C2orf74: variants seen among roughly 807,000 people sequenced by gnomAD.
The protein encoded by C2orf74 is uncharacterized protein C2orf74.
C2orf74 carries 14 observed loss-of-function variants against 17.9 expected under a neutral mutation model. The ratio of observed to expected loss-of-function variants is 0.78; its 90% CI spans 0.52 to 1.22. The LOEUF (loss-of-function observed/expected upper bound fraction) is 1.22. Among genes scored for constraint, C2orf74 ranks in the 50% most tolerant of loss-of-function variants. C2orf74 has a pLI of 0.00. For synonymous variants in C2orf74, 79 were observed against 72.6 expected (o/e 1.09, Z -0.44); for missense variants, 217 against 218.4 (o/e 0.99, Z 0.04).
intron 1 of C2orf74, among the ~76,000 whole-genome samples, chr2:61,153,326 T>G (rs566683196): frequency 4.0e-5 from 6 of 151,884 alleles, no homozygotes; most frequent in Admixed American, 3.9e-4. Flanking sequence ...AGTCACCCAG[T>G]CTGGAGTGCA....
At chr2:61,157,855 G>T (rs1253796999), upstream of C2orf74, 1 of 470,088 alleles carries the variant, frequency 2.1e-6, no homozygotes, top group South Asian at 1.6e-5. Flanking sequence ...TCATGTTTTT[G>T]TCACAGGATT....
chr2:61,162,500 C>G lies in C2orf74; in HGVS notation c.-15C>G. On this transcript the variant is annotated 5_prime_UTR_variant, in exon 2 of 5. Coordinates refer to ENST00000432605, the MANE Select transcript of C2orf74 (RefSeq NM_001143959.4). ...TCTGTGATTGTGAGAGTGGATGAGT[C>G]TTCTAGCTAAACCTATGAGCTTTGA... 1.9e-6 allele frequency: 3 copies of G among 1,546,450 alleles called. No homozygotes were observed. The highest frequency in any genetic ancestry group is 2.6e-6 in the Non-Finnish European group (3 of 1,143,096).
chr2:61,153,327 C>G (rs1055119524), intron 1 of C2orf74, among the ~76,000 whole-genome samples: 1 of 151,810 alleles, frequency 6.6e-6, no homozygotes, highest in East Asian at 2.0e-4. Flanking sequence ...GTCACCCAGT[C>G]TGGAGTGCAG....
At chr2:61,149,310 T>C (rs1488021170) in intron 1 of C2orf74, among the ~76,000 whole-genome samples, 1 of 152,140 alleles carries the variant, frequency 6.6e-6, no homozygotes, top group African/African-American at 2.4e-5. Context: ...GGGCCATAGA[T>C]GTGTCCTGCT....
upstream of C2orf74, chr2:61,158,070 C>T: frequency 2.2e-6 from 1 of 460,284 alleles, no homozygotes; most frequent in Non-Finnish European, 4.5e-6. Flanking sequence ...CTGACCCCAA[C>T]ATGGCAGATG....
intron 1 of C2orf74, chr2:61,151,455 C>T (rs1257665835): frequency 6.6e-6 from 1 of 150,656 alleles, no homozygotes; most frequent in African/African-American, 2.4e-5. Context: ...TTTATTAACT[C>T]TTAGCTTCTG....
chr2:61,151,585 G>A (rs192199992), intron 1 of C2orf74: 199 of 151,904 alleles, frequency 1.3e-3, no homozygotes, highest in African/African-American at 4.5e-3. Flanking sequence ...CATGGTTATT[G>A]GCAAGAAGCC....
chr2:61,158,880 T>C (rs1380270856), upstream of C2orf74, among the ~76,000 whole-genome samples: 1 of 152,230 alleles, frequency 6.6e-6, no homozygotes, highest in Non-Finnish European at 1.5e-5. Context: ...CAGCAAACTA[T>C]ACATATTAGT....
At chr2:61,158,776 G>T (rs993383485), upstream of C2orf74, among the ~76,000 whole-genome samples, 2 of 152,136 alleles carry the variant, frequency 1.3e-5, no homozygotes, top group Non-Finnish European at 1.5e-5. Context: ...ATGGGTTTCA[G>T]TTCCTTGCCT....
chr2:61,154,382 C>T (rs192875178), intron 1 of C2orf74, among the ~76,000 whole-genome samples: 4 of 152,030 alleles, frequency 2.6e-5, no homozygotes, highest in African/African-American at 9.7e-5. Context: ...CAAGAGGAGC[C>T]TAAGGAGACA....
upstream of C2orf74, among the ~76,000 whole-genome samples, chr2:61,159,109 G>C (rs186082589): frequency 2.6e-5 from 4 of 152,146 alleles, no homozygotes; most frequent in African/African-American, 9.6e-5. Flanking sequence ...CAGTTCTCCT[G>C]CCTCAGCCTC....
At chr2:61,148,947 G>A (rs2105013286) in intron 1 of C2orf74, among the ~76,000 whole-genome samples, 2 of 152,274 alleles carry the variant, frequency 1.3e-5, no homozygotes, top group Middle Eastern at 3.4e-3. Flanking sequence ...TGTCGGGGCA[G>A]GAGGTCTATG....
upstream of C2orf74, among the ~76,000 whole-genome samples, chr2:61,158,980 G>T (rs924853208): frequency 2.7e-5 from 4 of 150,248 alleles, no homozygotes; most frequent in South Asian, 4.2e-4. Flanking sequence ...GTTTTTTTTT[G>T]TTGTTTGTTT....
Position 61,163,221 on chromosome 2 carries a change from G to A in C2orf74, c.379G>A (p.Gly127Ser), listed in dbSNP as rs183531745. 17 of 1,550,688 alleles carry A rather than the reference G, an allele frequency of 1.1e-5. No homozygotes were observed. The African/African-American group carries it at 2.1e-4, about 19-fold the overall frequency. ...KQEPENAGET[G>S]QEEDDGLQKI... ...AGAGCCTGAGAATGCTGGAGAAACT[G>A]GTCAAGAAGAGGTGATGTGTTTTTC... The change falls in exon 4 of 5, where the codon GGT becomes AGT. Residue 127 changes from glycine to serine, a missense_variant. Transcript: ENST00000432605.
chr2:61,154,312 G>A (rs963595649), intron 1 of C2orf74, among the ~76,000 whole-genome samples: 11 of 151,802 alleles, frequency 7.2e-5, no homozygotes, highest in African/African-American at 2.7e-4. Context: ...TACTTGATCA[G>A]TGCTTTACAA....
rs865904034 is a variant in C2orf74 at position 61,163,613 on chromosome 2, T to A, written c.390+381T>A. On this transcript the variant is annotated intron_variant, in intron 4 of 4. Coordinates refer to ENST00000432605, the MANE Select transcript of C2orf74 (RefSeq NM_001143959.4). ...GAGACTCCATCTCAAAAAAAAATAA[T>A]AATAATAATAAATAATAATAATAAT... is the stretch of plus-strand genomic sequence containing the variant. 9.3e-4 allele frequency among the ~76,000 whole-genome samples: 140 copies of A among 150,666 alleles called. 1 individual carries two copies. Among genetic ancestry groups the A allele is most frequent in the East Asian group, 2.1e-3 (11 of 5,170 alleles).
At chr2:61,148,748 G>A (rs902613348) in intron 1 of C2orf74, among the ~76,000 whole-genome samples, 12 of 151,484 alleles carry the variant, frequency 7.9e-5, no homozygotes, top group Admixed American at 3.3e-4. Flanking sequence ...ATGGATCCTC[G>A]CCTTGTCACC....
intron 4 of C2orf74, among the ~76,000 whole-genome samples, chr2:61,163,672 A>G (rs1224738639): frequency 6.6e-6 from 1 of 152,088 alleles, no homozygotes; most frequent in Non-Finnish European, 1.5e-5. Context: ...TAGGTTTGTA[A>G]GTAGAATGAG....
intron 1 of C2orf74, among the ~76,000 whole-genome samples, chr2:61,154,893 TA>T (rs1338924156): frequency 2.5e-3 from 353 of 140,900 alleles, no homozygotes; most frequent in Admixed American, 3.4e-3. Flanking sequence ...CATCTCTACT[TA>T]AAAAAAAAAA....
Sources: allele counts gnomAD v4.1 joint callset (sites outside exome capture counted in the v4.1 genomes callset), GRCh38; gene constraint gnomAD v4.1.1; transcripts MANE v1.5; gene names NCBI Gene and HGNC (gene_info 2026-07-23, HGNC 2026-07-21).